The following MYO10 variants were observed in gnomAD, a reference collection of about 807,000 sequenced individuals.
The protein encoded by MYO10 is myosin X.
Under a neutral mutation model 257.3 loss-of-function variants are expected in MYO10, and 133 were observed. The ratio of observed to expected loss-of-function variants is 0.52; its 90% CI spans 0.45 to 0.60. The LOEUF (loss-of-function observed/expected upper bound fraction) is 0.60. MYO10 is among the 20% of genes least tolerant of loss of function. The pLI is 0.00. For missense variants in MYO10, 2,399 were observed against 2,635.7 expected, an observed-to-expected ratio of 0.91 and a Z score of 1.97; for synonymous variants, 1,104 against 1,028.6, an observed-to-expected ratio of 1.07 and a Z score of -1.40.
chr5:16,679,890 T>TA (rs1736907112), intron 33 of MYO10, 57 bp downstream of exon 33: 2 of 1,576,912 alleles, frequency 1.3e-6, no homozygotes, highest in Non-Finnish European at 1.7e-6. Flanking sequence ...CTTGGTGCTC[T>TA]AAGGGTAGAA....
intron 19 of MYO10, chr5:16,742,316 A>G (rs1003677348): frequency 2.3e-6 from 2 of 883,786 alleles, no homozygotes; most frequent in African/African-American, 3.6e-5. Flanking sequence ...AACAGGATGG[A>G]AGTGACCACT....
chr5:16,919,072 C>T (rs1043524944), intron 1 of MYO10, among the ~76,000 whole-genome samples: 23 of 152,020 alleles, frequency 1.5e-4, no homozygotes, highest in East Asian at 1.9e-4. Context: ...TCTATTCTTC[C>T]GACTTCAAAA....
chr5:16,791,074 GC>G (rs1741737314), intron 4 of MYO10, among the ~76,000 whole-genome samples: 1 of 152,124 alleles, frequency 6.6e-6, no homozygotes, highest in Non-Finnish European at 1.5e-5. Context: ...ACCTGGCATT[GC>G]CACCAAGTAG....
intron 19 of MYO10, among the ~76,000 whole-genome samples, 200 bp from the exon 20 acceptor site, chr5:16,711,445 C>T (rs1738614775): frequency 6.6e-6 from 1 of 152,186 alleles, no homozygotes; most frequent in Non-Finnish European, 1.5e-5. Flanking sequence ...CAACCCCTGC[C>T]AATCCTGCCC....
chr5:16,691,486 G>A (rs1737501465), intron 27 of MYO10, among the ~76,000 whole-genome samples: 1 of 151,900 alleles, frequency 6.6e-6, no homozygotes, highest in Admixed American at 6.6e-5. Context: ...ATCACTTCAG[G>A]TCAGGAGTTT....
rs377413673 is a variant in MYO10 at position 16,764,412 on chromosome 5, C to T, written c.1180-16G>A. 1.9e-4 allele frequency: 314 copies of T among 1,613,260 alleles called. No individual in the cohort carries two copies. Among genetic ancestry groups the T allele is most frequent in the Non-Finnish European group, 2.6e-4 (306 of 1,179,638 alleles). On this transcript the variant is annotated splice_polypyrimidine_tract_variant and intron_variant, in intron 11 of 40. Transcript: ENST00000513610. Reference sequence around the variant, plus strand: ...TGTCTACTGCCTGTGGGAGAGAAACCAGCACAGACTCAGCTGACCCCGGGC... The same window carrying T: ...TGTCTACTGCCTGTGGGAGAGAAACTAGCACAGACTCAGCTGACCCCGGGC...
chr5:16,916,019 G>A (rs1274181869), intron 1 of MYO10: 1 of 455,600 alleles, frequency 2.2e-6, no homozygotes, highest in Non-Finnish European at 4.4e-6. Context: ...TGAATTAACA[G>A]AGCTGGTGAG....
intron 3 of MYO10, among the ~76,000 whole-genome samples, chr5:16,799,215 A>G (rs1042920732): frequency 6.6e-6 from 1 of 152,212 alleles, no homozygotes; most frequent in Non-Finnish European, 1.5e-5. Flanking sequence ...CTTTTAAGAT[A>G]CTGCTCGTTC....
chr5:16,712,316 GTTCTT>G (rs1296217231), intron 19 of MYO10, among the ~76,000 whole-genome samples: 2 of 152,220 alleles, frequency 1.3e-5, no homozygotes, highest in African/African-American at 4.8e-5. Context: ...TCTGAAATGT[GTTCTT>G]TTATTTGTTC....
intron 9 of MYO10, among the ~76,000 whole-genome samples, chr5:16,779,263 A>G (rs1431769221): frequency 6.6e-6 from 1 of 152,138 alleles, no homozygotes; most frequent in Non-Finnish European, 1.5e-5. Flanking sequence ...GGTGGAAGGT[A>G]CACTTTCTGA....
intron 1 of MYO10, among the ~76,000 whole-genome samples, chr5:16,924,269 A>C (rs1746071083): frequency 6.6e-6 from 1 of 152,186 alleles, no homozygotes; most frequent in African/African-American, 2.4e-5. Context: ...AATTAACAGA[A>C]AAGATGGCCT....
intron 39 of MYO10, 121 bp downstream of exon 39, chr5:16,670,404 AT>A (rs1736390967): frequency 1.6e-5 from 13 of 830,464 alleles, no homozygotes; most frequent in Non-Finnish European, 2.0e-5. Flanking sequence ...GGGGGCTCGA[AT>A]AAAAGAGGTT....
At chr5:16,829,557 C>G (rs973803041) in intron 2 of MYO10, among the ~76,000 whole-genome samples, 3 of 152,182 alleles carry the variant, frequency 2.0e-5, no homozygotes, top group African/African-American at 7.2e-5. Flanking sequence ...ATGGTGCACA[C>G]AACATCATAA....
intron 18 of MYO10, among the ~76,000 whole-genome samples, chr5:16,756,069 T>C (rs577742483): frequency 6.6e-6 from 1 of 152,242 alleles, no homozygotes; most frequent in African/African-American, 2.4e-5. Flanking sequence ...TTTTAAAAAT[T>C]TTATTATTTA....
intron 2 of MYO10, among the ~76,000 whole-genome samples, chr5:16,854,896 C>T (rs1256506389): frequency 6.6e-6 from 1 of 151,696 alleles, no homozygotes; most frequent in Non-Finnish European, 1.5e-5. Flanking sequence ...GCCGGGCGTG[C>T]GTGGCGGGCA....
chr5:16,821,341 G>A (rs1266624829), intron 2 of MYO10, among the ~76,000 whole-genome samples: 1 of 148,484 alleles, frequency 6.7e-6, no homozygotes, highest in Non-Finnish European at 1.5e-5. Context: ...TATAGCCCAA[G>A]TGAACAGTTC....
intron 3 of MYO10, among the ~76,000 whole-genome samples, chr5:16,801,472 A>G (rs1742119041): frequency 1.3e-5 from 2 of 152,108 alleles, no homozygotes; most frequent in East Asian, 3.9e-4. Flanking sequence ...TCAGCCTCCC[A>G]AAGTGCTGGC....
Position 16,717,390 on chromosome 5 carries a change from G to A in MYO10, c.1930-6145C>T, listed in dbSNP as rs375679583. On this transcript the variant is annotated intron_variant, in intron 19 of 40. Transcript: ENST00000513610. ...AAGGTATCATTCCCAGTGGCAATCC[G>A]TCTTCTGGAAACACAGACATTCTCT... Among the ~76,000 whole-genome samples, 11 of 152,296 alleles carry A rather than the reference G, an allele frequency of 7.2e-5. No homozygotes were observed. In the East Asian group the frequency reaches 1.9e-3, roughly 27 times the overall value.
intron 19 of MYO10, among the ~76,000 whole-genome samples, chr5:16,745,727 A>C (rs1740174620): frequency 6.6e-6 from 1 of 152,112 alleles, no homozygotes; most frequent in South Asian, 2.1e-4. Flanking sequence ...TTAAAAAAGC[A>C]CCTGGCTACC....
Sources: allele counts gnomAD v4.1 joint callset (sites outside exome capture counted in the v4.1 genomes callset), GRCh38; gene constraint gnomAD v4.1.1; transcripts MANE v1.5; gene names NCBI Gene and HGNC (gene_info 2026-07-23, HGNC 2026-07-21).